The following SH3GL2 variants were observed in gnomAD, a reference collection of about 807,000 sequenced individuals.
SH3GL2 encodes SH3 domain containing GRB2 like 2, endophilin A1.
In SH3GL2, 24 loss-of-function variants were observed where a neutral mutation model predicts 46.0. The observed-to-expected ratio is 0.52, with a 90% CI of 0.38 to 0.73. The LOEUF (loss-of-function observed/expected upper bound fraction) is 0.73. Among genes scored for constraint, SH3GL2 ranks in the 30% least tolerant of loss-of-function variants. The pLI, the probability that SH3GL2 is intolerant of heterozygous loss-of-function variation, is 0.00. For synonymous variants in SH3GL2, 196 were observed against 147.1 expected, an observed-to-expected ratio of 1.33 and a Z score of -2.40; for missense variants, 413 against 424.2, an observed-to-expected ratio of 0.97 and a Z score of 0.23.
intron 3 of SH3GL2, among the ~76,000 whole-genome samples, chr9:17,772,665 A>G (rs1823520984): frequency 6.6e-6 from 1 of 152,216 alleles, no homozygotes. Flanking sequence ...AATAGTGTAT[A>G]TAAGAATTGC....
chr9:17,665,131 G>A (rs183668444), intron 1 of SH3GL2, among the ~76,000 whole-genome samples: 1 of 151,938 alleles, frequency 6.6e-6, no homozygotes, highest in Admixed American at 6.6e-5. Flanking sequence ...TCTCTGAACC[G>A]TTTAAGAGTT....
chr9:17,728,714 G>C (rs1175448579), intron 1 of SH3GL2, among the ~76,000 whole-genome samples: 2 of 152,130 alleles, frequency 1.3e-5, no homozygotes, highest in African/African-American at 4.8e-5. Context: ...TTATTAGTGA[G>C]AACATGCAGT....
chr9:17,773,681 C>T (rs1250653180), intron 3 of SH3GL2, among the ~76,000 whole-genome samples: 2 of 152,094 alleles, frequency 1.3e-5, no homozygotes, highest in African/African-American at 4.8e-5. Context: ...GTCTTTATGA[C>T]AGTACCACAC....
intron 1 of SH3GL2, among the ~76,000 whole-genome samples, chr9:17,740,815 C>T (rs1296649883): frequency 1.3e-5 from 2 of 151,956 alleles, no homozygotes; most frequent in South Asian, 2.1e-4. Flanking sequence ...TGACAAAGTG[C>T]TTTTACACAT....
chr9:17,775,154 A>C (rs1823607064), intron 3 of SH3GL2, among the ~76,000 whole-genome samples: 1 of 151,928 alleles, frequency 6.6e-6, no homozygotes, highest in East Asian at 1.9e-4. Context: ...GATTTTAGTA[A>C]TTTGTGTCTT....
chr9:17,736,209 G>A (rs747627330), intron 1 of SH3GL2, among the ~76,000 whole-genome samples: 10 of 152,062 alleles, frequency 6.6e-5, no homozygotes, highest in Non-Finnish European at 1.3e-4. Flanking sequence ...TGTATGTATG[G>A]ATATGTATGT....
intron 1 of SH3GL2, among the ~76,000 whole-genome samples, chr9:17,718,245 C>G (rs541647052): frequency 6.6e-5 from 10 of 152,106 alleles, no homozygotes; most frequent in Non-Finnish European, 1.5e-4. Context: ...TAGTTCATGC[C>G]ATCCTCCCTC....
At chr9:17,590,521 T>C (rs1461227962) in intron 1 of SH3GL2, 2 of 152,216 alleles carry the variant, frequency 1.3e-5, no homozygotes, top group African/African-American at 2.4e-5. Flanking sequence ...TCATCCATTA[T>C]GCTCTATGTA....
intron 1 of SH3GL2, among the ~76,000 whole-genome samples, chr9:17,704,691 C>T (rs1046212686): frequency 2.6e-5 from 4 of 152,024 alleles, no homozygotes; most frequent in Admixed American, 2.6e-4. Flanking sequence ...GGAAAGTACT[C>T]CTTATTCAGT....
At chr9:17,782,897 C>T (rs111271859) in intron 3 of SH3GL2, among the ~76,000 whole-genome samples, 1,567 of 152,260 alleles carry the variant, frequency 0.01, 12 homozygotes, top group Middle Eastern at 0.017. Flanking sequence ...ATTAGGGCTG[C>T]TGCTTCAACT....
Position 17,787,517 on chromosome 9 carries a change from T to G in SH3GL2, c.465+4T>G. 3 of 1,611,384 alleles carry G rather than the reference T, an allele frequency of 1.9e-6. No individual in the cohort carries two copies. The South Asian group carries it at 3.3e-5, about 18-fold the overall frequency. ...CAAAGATCTTAGGGAAATTCAAGTA[T>G]GTACAATGAGTCTTCTGGAAAGTGG... On this transcript the variant is annotated splice_donor_region_variant and intron_variant, in intron 5 of 8. Transcript: ENST00000380607.
At position 17,719,820 on chromosome 9, in the gene SH3GL2, C is replaced by G. The variant is rs551512289; in HGVS notation, c.46-27246C>G. Among the ~76,000 whole-genome samples the G allele has an allele frequency of 5.2e-4, 78 of 151,200 alleles. 1 individual carries two copies. In the East Asian group the frequency reaches 0.014, roughly 27 times the overall value. On this transcript the variant is annotated intron_variant, in intron 1 of 8. Transcript: ENST00000380607. ...AAAAAAAAAAAAAAAGTTGTAATGC[C>G]CTTGTGCTACTGGTATTTAAAATGT...
chr9:17,650,630 T>C (rs918849071), intron 1 of SH3GL2, among the ~76,000 whole-genome samples: 1 of 152,226 alleles, frequency 6.6e-6, no homozygotes, highest in Non-Finnish European at 1.5e-5. Flanking sequence ...GTGCTGGGAT[T>C]ACAGGCGTGA....
intron 1 of SH3GL2, among the ~76,000 whole-genome samples, chr9:17,688,447 G>T (rs562141055): frequency 3.3e-5 from 5 of 152,090 alleles, no homozygotes; most frequent in African/African-American, 1.2e-4. Context: ...TTATAAGCAG[G>T]AGAAGACAAA....
chr9:17,605,973 A>G (rs917403690), intron 1 of SH3GL2, among the ~76,000 whole-genome samples: 3 of 152,020 alleles, frequency 2.0e-5, no homozygotes, highest in South Asian at 2.1e-4. Context: ...CTGACACTCT[A>G]TGCTTGGTAT....
At chr9:17,766,424 T>G (rs2224953) in intron 3 of SH3GL2, among the ~76,000 whole-genome samples, 1 of 152,086 alleles carries the variant, frequency 6.6e-6, no homozygotes, top group African/African-American at 2.4e-5. Flanking sequence ...CTTACGATAT[T>G]TGTGAGCAAA....
At chr9:17,669,464 A>G (rs1820421173) in intron 1 of SH3GL2, among the ~76,000 whole-genome samples, 1 of 152,278 alleles carries the variant, frequency 6.6e-6, no homozygotes, top group Admixed American at 6.5e-5. Flanking sequence ...AACCACAGAA[A>G]TGTTCTCCAT....
At chr9:17,613,491 C>A (rs1198915767) in intron 1 of SH3GL2, among the ~76,000 whole-genome samples, 1 of 152,168 alleles carries the variant, frequency 6.6e-6, no homozygotes, top group East Asian at 1.9e-4. Flanking sequence ...GCAGTCTGTT[C>A]CCTGCAATTC....
intron 3 of SH3GL2, among the ~76,000 whole-genome samples, chr9:17,779,439 A>G (rs748264585): frequency 6.6e-6 from 1 of 152,088 alleles, no homozygotes; most frequent in Non-Finnish European, 1.5e-5. Flanking sequence ...CCTGTTAGTA[A>G]CTATGAGAGC....
Sources: allele counts gnomAD v4.1 joint callset (sites outside exome capture counted in the v4.1 genomes callset), GRCh38; gene constraint gnomAD v4.1.1; transcripts MANE v1.5; gene names NCBI Gene and HGNC (gene_info 2026-07-23, HGNC 2026-07-21).